The following RIMS2 variants were observed in gnomAD, a reference collection of about 807,000 sequenced individuals.
The protein encoded by RIMS2 is regulating synaptic membrane exocytosis 2.
In RIMS2, 59 loss-of-function variants were observed where a neutral mutation model predicts 174.4. The ratio of observed to expected loss-of-function variants is 0.34; its 90% confidence interval spans 0.27 to 0.42. RIMS2 has a LOEUF of 0.42. Ranked by LOEUF, RIMS2 falls within the 10% of genes least tolerant of loss-of-function variation. The pLI is 1.00. For missense variants in RIMS2, 1,620 were observed against 1,666.3 expected (o/e 0.97, Z 0.48); for synonymous variants, 606 against 572.5 (o/e 1.06, Z -0.84).
chr8:104,145,551 C>A (rs999718186), intron 19 of RIMS2, among the ~76,000 whole-genome samples: 3 of 151,614 alleles, frequency 2.0e-5, no homozygotes, highest in Non-Finnish European at 4.4e-5. Flanking sequence ...TGTGGCTGAG[C>A]GTGGTGGCTC....
At chr8:104,009,241 A>T (rs2095681435) in intron 17 of RIMS2, among the ~76,000 whole-genome samples, 1 of 151,554 alleles carries the variant, frequency 6.6e-6, no homozygotes, top group South Asian at 2.1e-4. Flanking sequence ...ACGCCCAGAA[A>T]ATCTGTAGAC....
intron 10 of RIMS2, among the ~76,000 whole-genome samples, chr8:103,923,456 A>G (rs556246751): frequency 6.6e-6 from 1 of 151,928 alleles, no homozygotes; most frequent in African/African-American, 2.4e-5. Context: ...AGGGATTTAG[A>G]CAAATTTCAA....
chr8:103,775,035 T>C (rs966384981), intron 3 of RIMS2, among the ~76,000 whole-genome samples: 1 of 152,166 alleles, frequency 6.6e-6, no homozygotes, highest in Non-Finnish European at 1.5e-5. Flanking sequence ...TTCTTTATAA[T>C]CAATGTTTCA....
chr8:103,613,034 A>G (rs1249798060), intron 1 of RIMS2, among the ~76,000 whole-genome samples: 2 of 152,090 alleles, frequency 1.3e-5, no homozygotes, highest in Non-Finnish European at 2.9e-5. Context: ...GGTCTTACTT[A>G]AGTCCCTGGT....
At chr8:104,048,587 T>C (rs2096732630) in intron 19 of RIMS2, among the ~76,000 whole-genome samples, 1 of 152,162 alleles carries the variant, frequency 6.6e-6, no homozygotes, top group Admixed American at 6.5e-5. Flanking sequence ...AACATATGTA[T>C]GATATGTTCA....
At chr8:103,726,944 G>A (rs748406400) in intron 2 of RIMS2, among the ~76,000 whole-genome samples, 5 of 151,154 alleles carry the variant, frequency 3.3e-5, no homozygotes, top group African/African-American at 4.8e-5. Context: ...TCACCATGTT[G>A]GCCAGGCTGA....
chr8:103,520,537 TAAAC>T (rs1232592522), intron 1 of RIMS2, among the ~76,000 whole-genome samples: 9 of 152,302 alleles, frequency 5.9e-5, no homozygotes, highest in Non-Finnish European at 8.8e-5. Context: ...TGAAAATAGT[TAAAC>T]AGAGTGTCAT....
At chr8:103,780,322 T>C (rs549245331) in intron 3 of RIMS2, among the ~76,000 whole-genome samples, 2 of 152,346 alleles carry the variant, frequency 1.3e-5, no homozygotes, top group South Asian at 4.1e-4. Context: ...ATTATTTCTT[T>C]GAAGCTTTTA....
At chr8:103,527,127 C>A (rs548411014) in intron 1 of RIMS2, among the ~76,000 whole-genome samples, 2 of 152,210 alleles carry the variant, frequency 1.3e-5, no homozygotes, top group African/African-American at 4.8e-5. Context: ...GAAGAAAAAA[C>A]CGCACAGTTA....
At chr8:103,837,928 T>C (rs1000898145) in intron 3 of RIMS2, among the ~76,000 whole-genome samples, 2 of 148,482 alleles carry the variant, frequency 1.3e-5, no homozygotes, top group Non-Finnish European at 3.0e-5. Flanking sequence ...CATTTTCTTT[T>C]TCTTTCTTTC....
chr8:104,093,372 C>T, intron 19 of RIMS2, 99 bp from the exon 24 acceptor site: 1 of 825,200 alleles, frequency 1.2e-6, no homozygotes, highest in Non-Finnish European at 1.8e-6. Flanking sequence ...TTGCAGTTTC[C>T]TCTGTGGACA....
chr8:103,860,789 T>G (rs1404057159), intron 3 of RIMS2, among the ~76,000 whole-genome samples: 2 of 11,844 alleles, frequency 1.7e-4, no homozygotes, highest in South Asian at 2.2e-3. Flanking sequence ...TAAAATAATG[T>G]TTTTTTTTTC....
At chr8:104,116,913 C>A (rs1249426325) in intron 19 of RIMS2, among the ~76,000 whole-genome samples, 1 of 151,668 alleles carries the variant, frequency 6.6e-6, no homozygotes, top group Non-Finnish European at 1.5e-5. Context: ...GTACATATTG[C>A]ATGAATTTGG....
chr8:103,774,425 A>T (rs1265333696), intron 3 of RIMS2, among the ~76,000 whole-genome samples: 8 of 152,240 alleles, frequency 5.3e-5, no homozygotes. Flanking sequence ...GAAACTTCCC[A>T]TATGTCCATC....
Position 104,171,967 on chromosome 8 carries a change from G to T in RIMS2, c.3335-72949G>T, listed in dbSNP as rs113324650. On this transcript the variant is annotated intron_variant, in intron 19 of 23. Transcript: ENST00000504942. ...GTGTTGGCTTTCCCAAATGCTGCTT[G>T]TAGTAGTTTGGTACTTGTTGTGTGG... Among the ~76,000 whole-genome samples, 356 of 152,290 alleles carry T rather than the reference G, an allele frequency of 2.3e-3. 1 individual carries two copies. Among genetic ancestry groups the T allele is most frequent in the Non-Finnish European group, 4.2e-3 (286 of 68,008 alleles).
chr8:104,168,746 C>T (rs1316975279), intron 19 of RIMS2, among the ~76,000 whole-genome samples: 2 of 152,076 alleles, frequency 1.3e-5, no homozygotes, highest in African/African-American at 4.8e-5. Context: ...GGAATGCTTT[C>T]AACTTTTCCA....
intron 3 of RIMS2, among the ~76,000 whole-genome samples, chr8:103,848,116 A>C (rs2098977560): frequency 6.6e-6 from 1 of 151,932 alleles, no homozygotes; most frequent in South Asian, 2.1e-4. Context: ...GCTATTCACC[A>C]CTATTCCTGT....
chr8:104,017,495 T>G (rs914158969), intron 19 of RIMS2, among the ~76,000 whole-genome samples: 1 of 152,068 alleles, frequency 6.6e-6, no homozygotes, highest in African/African-American at 2.4e-5. Flanking sequence ...TACTAAAAAC[T>G]ATAAGGCATT....
chr8:104,242,829 C>T (rs1588134889), intron 19 of RIMS2, among the ~76,000 whole-genome samples: 1 of 152,302 alleles, frequency 6.6e-6, no homozygotes. Context: ...CTTAGTGCTA[C>T]TAAGTTTCAT....
Sources: gnomAD v4.1 joint callset for allele counts (sites outside exome capture counted in the v4.1 genomes callset) on GRCh38, gnomAD v4.1.1 for gene constraint, MANE v1.5 for transcripts, NCBI Gene and HGNC (gene_info 2026-07-23, HGNC 2026-07-21) for gene names.